Variants in LRBA observed in about 807,000 individuals in gnomAD.
LRBA encodes the protein lipopolysaccharide-responsive and beige-like anchor protein.
In LRBA, 176 loss-of-function variants were observed where a neutral mutation model predicts 330.0. The observed-to-expected ratio is 0.53, with a 90% CI of 0.47 to 0.60. LRBA has a LOEUF of 0.60. Ranked by LOEUF, LRBA falls within the 20% of genes least tolerant of loss-of-function variation. LRBA has a pLI of 0.00. For missense variants in LRBA, 3,259 were observed against 3,444.8 expected (o/e 0.95, Z 1.35); for synonymous variants, 1,230 against 1,193.0 (o/e 1.03, Z -0.64).
chr4:150,779,680 ATATT>A (rs1737897022), intron 34 of LRBA, among the ~76,000 whole-genome samples: 1 of 152,160 alleles, frequency 6.6e-6, no homozygotes, highest in Non-Finnish European at 1.5e-5. Context: ...CTACTACTGA[ATATT>A]TATTTCAGTA....
intron 42 of LRBA, among the ~76,000 whole-genome samples, chr4:150,482,575 T>C (rs948057667): frequency 6.6e-6 from 1 of 152,212 alleles, no homozygotes; most frequent in East Asian, 1.9e-4. Context: ...CTAGGATGTA[T>C]GGGAAAGTGT....
chr4:150,768,026 T>C (rs1736013069), intron 34 of LRBA, among the ~76,000 whole-genome samples: 2 of 136,644 alleles, frequency 1.5e-5, no homozygotes, highest in Admixed American at 1.6e-4. Context: ...ATCACGCCAC[T>C]GCACTCCAGC....
intron 39 of LRBA, among the ~76,000 whole-genome samples, chr4:150,588,997 C>T (rs1351948576): frequency 2.0e-5 from 3 of 150,048 alleles, no homozygotes; most frequent in African/African-American, 7.4e-5. Context: ...AAAATATGAA[C>T]TAAAAATGTT....
intron 34 of LRBA, among the ~76,000 whole-genome samples, chr4:150,770,238 G>C (rs952339458): frequency 2.0e-5 from 3 of 152,046 alleles, no homozygotes; most frequent in East Asian, 1.9e-4. Context: ...TGGTTTTCCC[G>C]GGCCTTTAAG....
chr4:150,674,606 T>G (rs765857596), intron 37 of LRBA, among the ~76,000 whole-genome samples: 1 of 152,206 alleles, frequency 6.6e-6, no homozygotes, highest in Non-Finnish European at 1.5e-5. Flanking sequence ...TTGGGTGAAG[T>G]GGCTCATGCC....
chr4:150,368,021 C>T (rs779245439), intron 47 of LRBA, among the ~76,000 whole-genome samples: 4 of 151,914 alleles, frequency 2.6e-5, no homozygotes, highest in African/African-American at 4.8e-5. Flanking sequence ...TTTAAAAGGC[C>T]ACCATGTGCT....
intron 40 of LRBA, among the ~76,000 whole-genome samples, chr4:150,533,145 CG>C (rs149343275): frequency 1.3e-5 from 2 of 152,156 alleles, no homozygotes; most frequent in Non-Finnish European, 2.9e-5. Context: ...TTTGAGCACC[CG>C]AACTCTACTA....
At chr4:150,530,449 C>T (rs1160379130) in intron 40 of LRBA, among the ~76,000 whole-genome samples, 1 of 152,174 alleles carries the variant, frequency 6.6e-6, no homozygotes, top group Non-Finnish European at 1.5e-5. Flanking sequence ...CTGGCAGTAT[C>T]TACACATCCA....
intron 2 of LRBA, among the ~76,000 whole-genome samples, chr4:150,977,293 T>C (rs941539362): frequency 2.0e-5 from 3 of 152,080 alleles, no homozygotes; most frequent in African/African-American, 4.8e-5. Context: ...CACAATCGAA[T>C]AGGAAACCAG....
intron 48 of LRBA, among the ~76,000 whole-genome samples, chr4:150,335,277 A>G (rs1734510174): frequency 6.6e-6 from 1 of 152,008 alleles, no homozygotes; most frequent in South Asian, 2.1e-4. Flanking sequence ...GCAGCCATTA[A>G]AATGAGTTGA....
intron 43 of LRBA, among the ~76,000 whole-genome samples, chr4:150,470,263 A>T (rs756117743): frequency 6.6e-6 from 1 of 151,908 alleles, no homozygotes; most frequent in African/African-American, 2.4e-5. Flanking sequence ...CTCCCTCTCC[A>T]CTCTGTAACA....
rs1313483013 is a variant in LRBA, at chr4:150,480,452, TA to T, written c.6551+7279del. Among the ~76,000 whole-genome samples, 4 of 152,088 alleles carry T rather than the reference TA, an allele frequency of 2.6e-5. No homozygotes were observed. The East Asian group carries it at 5.8e-4, about 22-fold the overall frequency. The stretch of plus-strand genomic sequence containing the variant: ...CTATAGATTTAATATTTATATTAAA[TA>T]AAAAATTGTATGATGTAATAGAGCA... On this transcript the variant is annotated intron_variant, in intron 42 of 56. Coordinates refer to ENST00000651943, the MANE Select transcript of LRBA (RefSeq NM_001364905.1).
At chr4:150,270,876 A>AGGG (rs1745993281) in intron 56 of LRBA, among the ~76,000 whole-genome samples, 1 of 152,220 alleles carries the variant, frequency 6.6e-6, no homozygotes, top group Non-Finnish European at 1.5e-5. Flanking sequence ...CAGCTCTTTC[A>AGGG]ATTTTATTTA....
intron 26 of LRBA, among the ~76,000 whole-genome samples, chr4:150,847,333 T>C (rs540914776): frequency 1.3e-5 from 2 of 152,294 alleles, no homozygotes; most frequent in Non-Finnish European, 2.9e-5. Context: ...AAAACAACTG[T>C]CTATAAATTG....
At position 150,847,663 on chromosome 4, in the gene LRBA, A is replaced by C. The variant is rs146517906; in HGVS notation, c.4339+1155T>G. The stretch of plus-strand genomic sequence containing the variant: ...TCTCCTCACCACCTTCTCTTCACTT[A>C]ATAATCAAATCATTTAACAAAGTCT... On this transcript the variant is annotated intron_variant, in intron 26 of 56. Transcript: ENST00000651943. Among the ~76,000 whole-genome samples, 72 of 152,340 alleles carry C rather than the reference A, an allele frequency of 4.7e-4. 1 individual carries two copies. The East Asian group carries it at 0.013, about 28-fold the overall frequency.
At chr4:150,785,971 C>T (rs1738996438) in intron 34 of LRBA, among the ~76,000 whole-genome samples, 2 of 152,140 alleles carry the variant, frequency 1.3e-5, no homozygotes, top group African/African-American at 4.8e-5. Flanking sequence ...ACGGAATCAT[C>T]TTTGGGAGCC....
At chr4:150,623,896 T>C (rs1007269336) in intron 37 of LRBA, among the ~76,000 whole-genome samples, 3 of 152,158 alleles carry the variant, frequency 2.0e-5, no homozygotes, top group Admixed American at 1.3e-4. Flanking sequence ...AGGGTACATG[T>C]GCACAATGTG....
At chr4:150,709,199 C>T (rs56943310) in intron 36 of LRBA, among the ~76,000 whole-genome samples, 11 of 151,890 alleles carry the variant, frequency 7.2e-5, no homozygotes, top group African/African-American at 4.8e-5. Flanking sequence ...GCCTAGAACC[C>T]GAACATGTTT....
intron 36 of LRBA, among the ~76,000 whole-genome samples, chr4:150,717,210 T>C (rs1728314610): frequency 6.6e-6 from 1 of 152,184 alleles, no homozygotes; most frequent in Non-Finnish European, 1.5e-5. Flanking sequence ...AGAGGACTGT[T>C]ATGATAATTT....
Sources: allele counts gnomAD v4.1 joint callset (sites outside exome capture counted in the v4.1 genomes callset), GRCh38; gene constraint gnomAD v4.1.1; transcripts MANE v1.5; gene names NCBI Gene and HGNC (gene_info 2026-07-23, HGNC 2026-07-21).